TAP1: variants seen among roughly 807,000 people sequenced by gnomAD.
TAP1 encodes antigen peptide transporter 1.
A neutral mutation model predicts 79.3 loss-of-function variants in TAP1; 56 were observed. The ratio of observed to expected loss-of-function variants is 0.71; its 90% CI spans 0.57 to 0.88. The LOEUF (loss-of-function observed/expected upper bound fraction) is 0.88, where lower values mean the gene tolerates loss of function less well. Ranked by LOEUF, TAP1 falls within the 40% of genes least tolerant of loss-of-function variation. The probability of loss-of-function intolerance (pLI) is 0.00; values close to 1 mark genes in which losing one functional copy is unlikely to be tolerated. For synonymous variants in TAP1, 355 were observed against 401.4 expected, an observed-to-expected ratio of 0.88 and a Z score of 1.38; for missense variants, 737 against 936.3, an observed-to-expected ratio of 0.79 and a Z score of 2.78.
intron 10 of TAP1, chr6:32,846,590 G>C: frequency 7.2e-6 from 2 of 276,074 alleles, no homozygotes; most frequent in South Asian, 7.4e-5. Context: ...GAGGCTGAGG[G>C]GGGCAGATTA....
chr6:32,847,003 A>G lies in TAP1; in HGVS notation c.2040+65T>C. The G allele has an allele frequency of 6.2e-7, 1 of 1,601,444 alleles. No individual in the cohort carries two copies. The highest frequency in any genetic ancestry group is 8.5e-7 in the Non-Finnish European group (1 of 1,178,258). On this transcript the variant is annotated intron_variant, in intron 10 of 10. Coordinates refer to ENST00000354258, the MANE Select transcript of TAP1 (RefSeq NM_000593.6). The surrounding 1 kb of genome is among the most constrained non-coding windows in gnomAD (Gnocchi z 4.7). ...TATAATTATGATGTTAGTAAAACTA[A>G]CAGAAGATGTATAAAAGAAGCAAGA...
Position 32,847,985 on chromosome 6 carries a change from G to A in TAP1, c.1674C>T (p.Thr558=), listed in dbSNP as rs377621191. 392 of 1,612,986 alleles carry A rather than the reference G, an allele frequency of 2.4e-4. 1 individual carries two copies. Among genetic ancestry groups the A allele is most frequent in the Non-Finnish European group, 3.1e-4 (364 of 1,180,042 alleles). ...TCCCATCCAACAGCAGCTGTCCCCC[G>A]GTGGGCTGGTACAGATTCTGCAGCA... ...AALLQNLYQP[T]GGQLLLDGKP... Residue 558 remains threonine, a synonymous_variant, in exon 8 of 11, where the codon ACC becomes ACT. Coordinates refer to ENST00000354258, the MANE Select transcript of TAP1 (RefSeq NM_000593.6). This position sits in a 1 kb window ranked among gnomAD's most constrained non-coding sequence, Gnocchi z 4.7.
chr6:32,846,816 TAA>T (rs577698177), intron 10 of TAP1, among the ~76,000 whole-genome samples: 3 of 144,170 alleles, frequency 2.1e-5, no homozygotes. Context: ...GACACTGTCT[TAA>T]AAAAAAAAAA....
chr6:32,849,349 G>A (rs113673833), intron 5 of TAP1: 5 of 614,708 alleles, frequency 8.1e-6, no homozygotes, highest in African/African-American at 1.8e-5. Context: ...CTTGTCTGGG[G>A]AGCATTTTAC....
Position 32,850,005 on chromosome 6 carries a change from G to T in TAP1, c.1248+315C>A. ...GTACCAGCATGAAGCAGTCCCAGGT[G>T]CAAGAATTTATGGCGCCCTGCACTT... On this transcript the variant is annotated intron_variant, in intron 5 of 10. Transcript: ENST00000354258. This position sits in a 1 kb window ranked among gnomAD's most constrained non-coding sequence, Gnocchi z 5.5. The T allele has an allele frequency of 4.1e-6, 2 of 485,970 alleles. No homozygotes were observed. The highest frequency in any genetic ancestry group is 7.5e-6 in the Non-Finnish European group (2 of 265,860). 30.1% of individuals were successfully genotyped at this position (485,970 alleles called of 1,614,324 possible).
In TAP1 at chr6:32,850,837, A is replaced by C; in HGVS notation, c.1050+107T>G. ...GGGTGTTCCATGAAGATGGAGAATC[A>C]GTAAGGGTGCCAGGAAAGCTGGACT... On this transcript the variant is annotated intron_variant, in intron 4 of 10. Transcript: ENST00000354258. This position sits in a 1 kb window ranked among gnomAD's most constrained non-coding sequence, Gnocchi z 5.5. The C allele has an allele frequency of 9.3e-7, 1 of 1,075,740 alleles. No homozygotes were observed. The highest frequency in any genetic ancestry group is 1.3e-5 in the South Asian group (1 of 79,500). The allele number at this position is 1,075,740 out of a possible 1,614,324, so 66.6% of individuals were successfully genotyped here. A position where few individuals can be genotyped will look rare whatever the true frequency, so the allele number is the denominator to read the frequency against.
chr6:32,853,641 A>C lies in TAP1; in HGVS notation c.-5T>G. On this transcript the variant is annotated 5_prime_UTR_variant, in exon 1 of 11. Transcript: ENST00000354258. This position sits in a 1 kb window ranked among gnomAD's most constrained non-coding sequence, Gnocchi z 8.3. Reference sequence around the variant, plus strand: ...GGGACACCTAGAGCTAGCCATTGGCACTCGGACGCCGTCCCGGTCCCGGCC... The same window carrying C: ...GGGACACCTAGAGCTAGCCATTGGCCCTCGGACGCCGTCCCGGTCCCGGCC... 6.2e-7 allele frequency: 1 copy of C among 1,609,302 alleles called. No individual in the cohort carries two copies. The highest frequency in any genetic ancestry group is 2.2e-5 in the East Asian group (1 of 44,752).
Position 32,850,334 on chromosome 6 carries a change from A to G in TAP1, c.1234T>C (p.Ser412Pro), listed in dbSNP as rs1329546316. The change falls in exon 5 of 11, where the codon TCC becomes CCC. Residue 412 changes from serine to proline, a missense_variant. Ser to Pro is a moderately conservative substitution (Grantham distance 74). Transcript: ENST00000354258. This position sits in a 1 kb window ranked among gnomAD's most constrained non-coding sequence, Gnocchi z 5.5. ...CAGGTGCTCACACTAGTGGTCCAGG[A>G]GTTGACTGCATAGGCCACAGCCTCC... is the stretch of plus-strand genomic sequence containing the variant. ...QKEAVAYAVN[S>P]WTTSISGMLL... 2.5e-6 allele frequency: 4 copies of G among 1,614,254 alleles called. No homozygotes were observed. In the South Asian group the frequency reaches 4.4e-5, roughly 18 times the overall value.
At position 32,850,985 on chromosome 6, in the gene TAP1, G is replaced by GA; in HGVS notation, c.1008dup (p.Leu337SerfsTer33). The stretch of plus-strand genomic sequence containing the variant: ...ACCTTCTTGGGCAGAAGGAAAAGCA[G>GA]AGGCAGGGTGATCAGGGTGACCATG... On this transcript the variant is annotated frameshift_variant, in exon 4 of 11. Transcript: ENST00000354258. LOFTEE classifies it high-confidence loss of function. This position sits in a 1 kb window ranked among gnomAD's most constrained non-coding sequence, Gnocchi z 5.5. The GA allele has an allele frequency of 6.2e-7, 1 of 1,613,046 alleles. No homozygotes were observed. The highest frequency in any genetic ancestry group is 8.5e-7 in the Non-Finnish European group (1 of 1,180,026).
rs754715438 is a variant in TAP1, at chr6:32,847,910, C to CT, written c.1740+8dup. ...TCCCTGCCCTCCTTCAAGCCACCTG[C>CT]TTCCATACCTGCCTGTGCAGGTAGC... On this transcript the variant is annotated intron_variant, in intron 8 of 10. Coordinates refer to ENST00000354258, the MANE Select transcript of TAP1 (RefSeq NM_000593.6). This position sits in a 1 kb window ranked among gnomAD's most constrained non-coding sequence, Gnocchi z 4.7. 9 of 1,613,146 alleles carry CT rather than the reference C, an allele frequency of 5.6e-6. No individual in the cohort carries two copies. The highest frequency in any genetic ancestry group is 7.6e-6 in the Non-Finnish European group (9 of 1,180,040).
chr6:32,853,081 G>A lies in TAP1; in HGVS notation c.556C>T (p.Arg186Cys), dbSNP rs1213523941. Residue 186 changes from arginine (R) to cysteine (C), a missense_variant, in exon 1 of 11, where the codon CGC becomes TGC. By Grantham distance (180) the Arg-to-Cys change is radical. Around this residue, in one of 5 missense-constraint regions of TAP1, gnomAD observed 406 missense variants for 477.2 expected, o/e 0.85. Transcript: ENST00000354258. The surrounding 1 kb of genome is among the most constrained non-coding windows in gnomAD (Gnocchi z 8.3). The stretch of plus-strand genomic sequence containing the variant: ...ACCAGGACCAGGAACAGCGAGAGGC[G>A]GCGCGTCTCCGAGCCCAGGCAGCCT... The part of the protein sequence containing the change: ...LLGCLGSETR[R>C]LSLFLVLVVL... The A allele has an allele frequency of 6.2e-7, 1 of 1,612,668 alleles. No homozygotes were observed. The highest frequency in any genetic ancestry group is 2.2e-5 in the East Asian group (1 of 44,882).
In TAP1 at chr6:32,852,478, G is replaced by A. The variant is rs200941620; in HGVS notation, c.623C>T (p.Thr208Met). ...SLGEMAIPFF[T>M]GRLTDWILQD... is the part of the protein sequence containing the mutation. ...TAGAATCCAGTCAGTGAGGCGGCCC[G>A]TAAAGAATGGAATGGCCATCTCCCC... is the stretch of plus-strand genomic sequence containing the variant. Residue 208 changes from threonine to methionine, a missense_variant, in exon 2 of 11, where the codon ACG (threonine) becomes ATG (methionine). This residue lies in a region of TAP1 where 406 missense variants were observed against 477.2 expected (regional missense o/e 0.85). Transcript: ENST00000354258. The surrounding 1 kb of genome is among the most constrained non-coding windows in gnomAD (Gnocchi z 4.8). 3.1e-6 allele frequency: 5 copies of A among 1,612,890 alleles called. No homozygotes were observed. Among genetic ancestry groups the A allele is most frequent in the African/African-American group, 2.7e-5 (2 of 74,876 alleles).
chr6:32,847,822 C>T lies in TAP1; in HGVS notation c.1740+97G>A. On this transcript the variant is annotated intron_variant, in intron 8 of 10. Coordinates refer to ENST00000354258, the MANE Select transcript of TAP1 (RefSeq NM_000593.6). This position sits in a 1 kb window ranked among gnomAD's most constrained non-coding sequence, Gnocchi z 4.7. The stretch of plus-strand genomic sequence containing the variant: ...CTACACCACCATCTCCACCCAAGGT[C>T]TCTTATCATTCCCTAACCCCTCTTT... The T allele has an allele frequency of 3.1e-6, 5 of 1,587,356 alleles. No individual in the cohort carries two copies. The highest frequency in any genetic ancestry group is 4.3e-6 in the Non-Finnish European group (5 of 1,157,250).
At position 32,849,656 on chromosome 6, in the gene TAP1, C is replaced by T. The variant is rs147375063; in HGVS notation, c.1249-538G>A. 5.8e-4 allele frequency: 104 copies of T among 177,996 alleles called. 1 individual carries two copies. In the East Asian group the frequency reaches 0.015, roughly 26 times the overall value. 11.0% of individuals were successfully genotyped at this position (177,996 alleles called of 1,614,324 possible). On this transcript the variant is annotated intron_variant, in intron 5 of 10. Transcript: ENST00000354258. The stretch of plus-strand genomic sequence containing the variant: ...GTCCCAGCTACTCAGGAGGCTGAGG[C>T]GGGAGAACGGCGTGAACCCGGGAGG...
In TAP1 at chr6:32,851,239, G is replaced by T; in HGVS notation, c.845-90C>A. 3 of 1,313,924 alleles carry T rather than the reference G, an allele frequency of 2.3e-6. No individual in the cohort carries two copies. The highest frequency in any genetic ancestry group is 1.5e-5 in the African/African-American group (1 of 68,428). The allele number at this position is 1,313,924 out of a possible 1,614,324, so 81.4% of individuals were successfully genotyped here. A position where few individuals can be genotyped will look rare whatever the true frequency, so the allele number is the denominator to read the frequency against. On this transcript the variant is annotated intron_variant, in intron 3 of 10. Coordinates refer to ENST00000354258, the MANE Select transcript of TAP1 (RefSeq NM_000593.6). This position sits in a 1 kb window ranked among gnomAD's most constrained non-coding sequence, Gnocchi z 4.8. ...CAATGAGCCAGGATGCCAGGGTCAG[G>T]GGTGTCAACATGGGGTTCTAAGGAG...
chr6:32,852,036 G>T lies in TAP1; in HGVS notation c.844+73C>A. 2 of 1,591,412 alleles carry T rather than the reference G, an allele frequency of 1.3e-6. No homozygotes were observed. Among genetic ancestry groups the T allele is most frequent in the Non-Finnish European group, 1.7e-6 (2 of 1,162,570 alleles). ...GTGTGTGAGAGAGAGAGAGCGGGGA[G>T]GGGGGAGATCAAAGCAGATGTATGA... On this transcript the variant is annotated intron_variant, in intron 3 of 10. Transcript: ENST00000354258. This position sits in a 1 kb window ranked among gnomAD's most constrained non-coding sequence, Gnocchi z 4.8.
rs567507916 is a variant in TAP1, at chr6:32,853,408, T to C, written c.229A>G (p.Arg77Gly). 1 of 1,610,154 alleles carries C rather than the reference T, an allele frequency of 6.2e-7. No homozygotes were observed. Among genetic ancestry groups the C allele is most frequent in the African/African-American group, 1.3e-5 (1 of 75,002 alleles). Reference protein sequence around the residue: ...VLWLGACGVLRATVGSKSENA... With the variant: ...VLWLGACGVLGATVGSKSENA... ...TCGCTCTTGGAGCCAACCGTTGCCC[T>C]GAGGACCCCGCAGGCCCCCAGCCAG... is the stretch of plus-strand genomic sequence containing the variant. The change falls in exon 1 of 11, where the codon AGG becomes GGG. Residue 77 changes from arginine (R) to glycine (G), a missense_variant. Physicochemically the swap from Arg to Gly is moderately radical, Grantham distance 125. Around this residue, in one of 5 missense-constraint regions of TAP1, gnomAD observed 406 missense variants for 477.2 expected, o/e 0.85. Coordinates refer to ENST00000354258, the MANE Select transcript of TAP1 (RefSeq NM_000593.6). The surrounding 1 kb of genome is among the most constrained non-coding windows in gnomAD (Gnocchi z 8.3).
chr6:32,852,908 GACCC>G lies in TAP1; in HGVS notation c.598+127_598+130del. ...CTTCTACACCGAAGTGGTGTTCCAAGACCCACGCTAGGAGTCCTTCTCCTGCTCC... is the reference window on the plus strand; with the variant it reads ...CTTCTACACCGAAGTGGTGTTCCAAGACGCTAGGAGTCCTTCTCCTGCTCC... On this transcript the variant is annotated intron_variant, in intron 1 of 10. Transcript: ENST00000354258. The surrounding 1 kb of genome is among the most constrained non-coding windows in gnomAD (Gnocchi z 4.8). The G allele has an allele frequency of 6.8e-7, 1 of 1,465,874 alleles. No individual in the cohort carries two copies. Among genetic ancestry groups the G allele is most frequent in the Non-Finnish European group, 9.0e-7 (1 of 1,107,656 alleles). 90.8% of individuals were successfully genotyped at this position (1,465,874 alleles called of 1,614,324 possible).
In TAP1 at chr6:32,851,658, G is replaced by A. The variant is rs982003842; in HGVS notation, c.844+451C>T. 1.3e-5 allele frequency among the ~76,000 whole-genome samples: 2 copies of A among 152,202 alleles called. No individual in the cohort carries two copies. The highest frequency in any genetic ancestry group is 4.1e-4 in the South Asian group (2 of 4,834). On this transcript the variant is annotated intron_variant, in intron 3 of 10. Coordinates refer to ENST00000354258, the MANE Select transcript of TAP1 (RefSeq NM_000593.6). This position sits in a 1 kb window ranked among gnomAD's most constrained non-coding sequence, Gnocchi z 4.8. ...CAAGAGACCAGGGTTCTAACCCCAA[G>A]TGTGTCTCTAGCCATATGTAACTGT...
Sources: allele counts gnomAD v4.1 joint callset (sites outside exome capture counted in the v4.1 genomes callset), GRCh38; gene constraint gnomAD v4.1.1; regional missense constraint gnomAD v4.1.1; non-coding constraint Gnocchi (gnomAD v3.1); transcripts MANE v1.5; gene names NCBI Gene and HGNC (gene_info 2026-07-23, HGNC 2026-07-21).